Variants in TRAK2 observed in about 807,000 individuals in gnomAD.
The protein encoded by TRAK2 is trafficking kinesin protein 2, also known as trafficking kinesin-binding protein 2.
A neutral mutation model predicts 104.6 loss-of-function variants in TRAK2; 81 were observed. That is an observed-to-expected ratio of 0.77 (90% CI 0.65 to 0.93). The LOEUF is 0.93. Ranked by LOEUF, TRAK2 falls within the 40% of genes least tolerant of loss-of-function variation. TRAK2 has a pLI of 0.00. For synonymous variants in TRAK2, 406 were observed against 394.4 expected, an observed-to-expected ratio of 1.03 and a Z score of -0.35; for missense variants, 1,002 against 1,089.0, an observed-to-expected ratio of 0.92 and a Z score of 1.12.
chr2:201,381,168 T>A lies in TRAK2; in HGVS notation c.2120A>T (p.Asn707Ile). ...SCGSSGSSSSNTAVNSPALSY... is the reference protein window; with the variant it reads ...SCGSSGSSSSITAVNSPALSY... ...CAAGGCAGGAGAATTCACAGCCGTG[T>A]TGGATGAACTGCTACCGCTACTTCC... Residue 707 changes from asparagine to isoleucine, a missense_variant, in exon 16 of 16, where the codon AAC becomes ATC. Physicochemically the swap from Asn to Ile is moderately radical, Grantham distance 149. Transcript: ENST00000332624. The A allele has an allele frequency of 6.2e-7, 1 of 1,613,800 alleles. No homozygotes were observed. The highest frequency in any genetic ancestry group is 8.5e-7 in the Non-Finnish European group (1 of 1,179,914).
At chr2:201,383,975 A>C in intron 15 of TRAK2, 136 bp downstream of exon 15, 1 of 647,932 alleles carries the variant, frequency 1.5e-6, no homozygotes, top group Non-Finnish European at 2.7e-6. Flanking sequence ...TGCAATGTGA[A>C]AATATTCTAA....
chr2:201,412,937 A>T, intron 2 of TRAK2: 1 of 778,004 alleles, frequency 1.3e-6, no homozygotes, highest in Admixed American at 1.8e-5. Flanking sequence ...ACACTGGCTA[A>T]ACTGGCAAAA....
In TRAK2 at chr2:201,399,284, A is replaced by G. The variant is rs183292832; in HGVS notation, c.480+93T>C. 4.7e-5 allele frequency: 36 copies of G among 758,850 alleles called. No individual in the cohort carries two copies. In the East Asian group the frequency reaches 9.0e-4, roughly 19 times the overall value. 47.0% of individuals were successfully genotyped at this position (758,850 alleles called of 1,614,324 possible). A position where few individuals can be genotyped will look rare whatever the true frequency, so the allele number is the denominator to read the frequency against. The stretch of plus-strand genomic sequence containing the variant: ...GAACAAGTACTGGTGTTATTTATCT[A>G]TTGCCATCATTTCAGGGACACCTAG... On this transcript the variant is annotated intron_variant, in intron 5 of 15. Transcript: ENST00000332624.
At position 201,387,964 on chromosome 2, in the gene TRAK2, C is replaced by T. The variant is rs745932834; in HGVS notation, c.1435G>A (p.Asp479Asn). ...QKMGQPGPSG[D>N]SDLATALHRL... ...TGCAGTGCTGTAGCCAAATCACTAT[C>T]TCCTGAGGGTCCTGGTTGGCCCATC... The change falls in exon 13 of 16, where the codon GAT (aspartate) becomes AAT (asparagine). Residue 479 changes from aspartate (D) to asparagine (N), a missense_variant. By Grantham distance (23) the Asp-to-Asn change is conservative. Transcript: ENST00000332624. The T allele has an allele frequency of 3.7e-6, 6 of 1,613,998 alleles. No individual in the cohort carries two copies. Among genetic ancestry groups the T allele is most frequent in the Non-Finnish European group, 3.4e-6 (4 of 1,180,002 alleles).
rs568896182 is a variant in TRAK2 at position 201,450,069 on chromosome 2, T to C, written c.-200+1281A>G. Among the ~76,000 whole-genome samples the C allele has an allele frequency of 1.4e-4, 22 of 152,232 alleles. No homozygotes were observed. In the East Asian group the frequency reaches 3.9e-3, roughly 27 times the overall value. On this transcript the variant is annotated intron_variant, in intron 1 of 15. Transcript: ENST00000332624. Reference sequence around the variant, plus strand: ...AGATAACAAAACACTGTCTTTCACATGGTATGTGCTTGCTAAATGTCTGAG... The same window carrying C: ...AGATAACAAAACACTGTCTTTCACACGGTATGTGCTTGCTAAATGTCTGAG...
At position 201,380,451 on chromosome 2, in the gene TRAK2, C is replaced by G; in HGVS notation, c.*92G>C. 7.7e-7 allele frequency: 1 copy of G among 1,301,612 alleles called. No homozygotes were observed. The highest frequency in any genetic ancestry group is 1.1e-6 in the Non-Finnish European group (1 of 944,904). 80.6% of individuals were successfully genotyped at this position (1,301,612 alleles called of 1,614,324 possible). On this transcript the variant is annotated 3_prime_UTR_variant, in exon 16 of 16. Coordinates refer to ENST00000332624, the MANE Select transcript of TRAK2 (RefSeq NM_015049.3). ...CATTCACAACCCTTGTGCAACATTC[C>G]TTTTCTCTCAAGTCAGACCAGACCA...
Position 201,395,328 on chromosome 2 carries a change from G to C in TRAK2, c.886C>G (p.His296Asp). 1 of 1,604,576 alleles carries C rather than the reference G, an allele frequency of 6.2e-7. No individual in the cohort carries two copies. Among genetic ancestry groups the C allele is most frequent in the Non-Finnish European group, 8.5e-7 (1 of 1,173,198 alleles). ...AATAAACCTACTTCTTTAAGTTTGT[G>C]CTGAAGGTCTACAATCTGTGACAAA... ...SLLSQIVDLQ[H>D]KLKEHVIEKE... Residue 296 changes from histidine (H) to aspartate (D), a missense_variant, in exon 8 of 16, where the codon CAC (histidine) becomes GAC (aspartate). His to Asp is a moderately conservative substitution (Grantham distance 81, BLOSUM62 -1). Transcript: ENST00000332624.
intron 1 of TRAK2, among the ~76,000 whole-genome samples, chr2:201,424,475 C>G (rs1951769283): frequency 6.6e-6 from 1 of 152,050 alleles, no homozygotes; most frequent in South Asian, 2.1e-4. Flanking sequence ...AAATCATGCA[C>G]TCGTTTGTAA....
chr2:201,422,049 C>CAAAAA (rs71022367), intron 1 of TRAK2, among the ~76,000 whole-genome samples: 1 of 91,134 alleles, frequency 1.1e-5, no homozygotes, highest in African/African-American at 4.4e-5. Flanking sequence ...GACTCTGTCT[C>CAAAAA]AAAAAAAAAA....
At chr2:201,416,943 G>T (rs1162434700) in intron 2 of TRAK2, among the ~76,000 whole-genome samples, 1 of 151,990 alleles carries the variant, frequency 6.6e-6, no homozygotes, top group Non-Finnish European at 1.5e-5. Context: ...CTCAACTAAA[G>T]TGATAATTAC....
chr2:201,441,356 T>C (rs552184146), intron 1 of TRAK2, among the ~76,000 whole-genome samples: 1 of 152,354 alleles, frequency 6.6e-6, no homozygotes. Flanking sequence ...TATCACAATT[T>C]CCACTAAGAG....
intron 10 of TRAK2, among the ~76,000 whole-genome samples, chr2:201,392,045 CA>C (rs1477152139): frequency 6.6e-6 from 1 of 151,994 alleles, no homozygotes; most frequent in African/African-American, 2.4e-5. Flanking sequence ...TAAGAGTGTC[CA>C]AATGTCCTCG....
intron 1 of TRAK2, among the ~76,000 whole-genome samples, chr2:201,427,493 A>C (rs1465390567): frequency 6.6e-6 from 1 of 152,156 alleles, no homozygotes; most frequent in Admixed American, 6.5e-5. Context: ...CCCACAAAGG[A>C]CATGAACTCA....
chr2:201,435,069 T>TA (rs1413769813), intron 1 of TRAK2, among the ~76,000 whole-genome samples: 1 of 152,208 alleles, frequency 6.6e-6, no homozygotes, highest in Non-Finnish European at 1.5e-5. Context: ...TTCTTTTTTT[T>TA]AATTTGAGAC....
intron 1 of TRAK2, among the ~76,000 whole-genome samples, chr2:201,434,542 C>T (rs1951867956): frequency 1.3e-5 from 2 of 151,966 alleles, no homozygotes; most frequent in South Asian, 4.2e-4. Context: ...TCATAAGTTT[C>T]AAGTTTCAAG....
chr2:201,450,669 G>A lies in TRAK2; in HGVS notation c.-200+681C>T, dbSNP rs1417418327. Among the ~76,000 whole-genome samples, 3 of 150,298 alleles carry A rather than the reference G, an allele frequency of 2.0e-5. No individual in the cohort carries two copies. In the East Asian group the frequency reaches 5.9e-4, roughly 29 times the overall value. ...CTATGGTCCATTCCATCAACTTGATGAATATCCTGTGAAGTTACCTTTTTT... is the reference window on the plus strand; with the variant it reads ...CTATGGTCCATTCCATCAACTTGATAAATATCCTGTGAAGTTACCTTTTTT... On this transcript the variant is annotated intron_variant, in intron 1 of 15. Coordinates refer to ENST00000332624, the MANE Select transcript of TRAK2 (RefSeq NM_015049.3).
At chr2:201,411,888 T>C in intron 2 of TRAK2, 1 of 1,026,494 alleles carries the variant, frequency 9.7e-7, no homozygotes, top group Non-Finnish European at 1.6e-6. Flanking sequence ...GGGTAGTCTA[T>C]AAGATTTGCA....
chr2:201,393,067 G>T, intron 9 of TRAK2, 21 bp from the exon 10 acceptor site: 1 of 1,587,288 alleles, frequency 6.3e-7, no homozygotes, highest in Non-Finnish European at 8.6e-7. Context: ...GGATGGTAGT[G>T]TACTTTATTG....
intron 14 of TRAK2, among the ~76,000 whole-genome samples, chr2:201,385,307 C>A (rs976074468): frequency 2.6e-5 from 4 of 151,898 alleles, no homozygotes; most frequent in Non-Finnish European, 5.9e-5. Flanking sequence ...AAGATATATT[C>A]AAAATGTAGG....
Sources: allele counts gnomAD v4.1 joint callset (sites outside exome capture counted in the v4.1 genomes callset), GRCh38; gene constraint gnomAD v4.1.1; transcripts MANE v1.5; gene names NCBI Gene and HGNC (gene_info 2026-07-23, HGNC 2026-07-21).